Variants in SORCS1 observed in about 807,000 individuals in gnomAD.
SORCS1 encodes sortilin related VPS10 domain containing receptor 1.
SORCS1 carries 60 observed loss-of-function variants against 146.1 expected under a neutral mutation model. That is an observed-to-expected ratio of 0.41 (90% CI 0.33 to 0.51). SORCS1 has a LOEUF of 0.51. SORCS1 is among the 20% of genes least tolerant of loss of function. SORCS1 has a pLI of 0.21. For synonymous variants in SORCS1, 637 were observed against 584.0 expected, an observed-to-expected ratio of 1.09 and a Z score of -1.31; for missense variants, 1,352 against 1,487.6, an observed-to-expected ratio of 0.91 and a Z score of 1.50.
In SORCS1 at chr10:106,852,443, C is replaced by A. The variant is rs534285439; in HGVS notation, c.627-22770G>T. On this transcript the variant is annotated intron_variant, in intron 2 of 25. Coordinates refer to ENST00000263054, the MANE Select transcript of SORCS1 (RefSeq NM_052918.5). The stretch of plus-strand genomic sequence containing the variant: ...AAGAGATCAAGACCATCCTGGCCAA[C>A]ATGGTGAAACCCTGTCTCTACTAAA... Among the ~76,000 whole-genome samples, 14 of 152,032 alleles carry A rather than the reference C, an allele frequency of 9.2e-5. 2 individuals are homozygous for A. The highest frequency in any genetic ancestry group is 3.4e-4 in the African/African-American group (14 of 41,512).
chr10:107,173,168 T>C, the SORCS1 span, among the ~76,000 whole-genome samples: 1 of 152,208 alleles, frequency 6.6e-6, no homozygotes, highest in Admixed American at 6.5e-5. Context: ...TACATTAATT[T>C]TGCTGTTCTT....
At chr10:106,985,468 A>ATG (rs566589087) in intron 1 of SORCS1, among the ~76,000 whole-genome samples, 167 of 152,138 alleles carry the variant, frequency 1.1e-3, no homozygotes, top group African/African-American at 3.0e-3. Context: ...AAGGAAATGA[A>ATG]TGTCTACAGA....
At chr10:107,180,309 C>A in the SORCS1 span, among the ~76,000 whole-genome samples, 1 of 152,022 alleles carries the variant, frequency 6.6e-6, no homozygotes, top group Non-Finnish European at 1.5e-5. Context: ...TTCTCCTATT[C>A]TTTGAAAAAG....
chr10:106,673,129 G>C (rs1851733046), intron 14 of SORCS1, 144 bp from the exon 15 acceptor site: 1 of 585,340 alleles, frequency 1.7e-6, no homozygotes, highest in Non-Finnish European at 2.8e-6. Context: ...CATTCATGAA[G>C]AGGGTACTTT....
chr10:106,774,102 A>C lies in SORCS1; in HGVS notation c.885+2432T>G, dbSNP rs149838830. ...GATCCTTGGCCTCATACAGAAAAAC[A>C]ACAACAAATAAATGAAGACTGCTTC... On this transcript the variant is annotated intron_variant, in intron 4 of 25. Transcript: ENST00000263054. Among the ~76,000 whole-genome samples, 493 of 152,322 alleles carry C rather than the reference A, an allele frequency of 3.2e-3. 1 individual carries two copies. The highest frequency in any genetic ancestry group is 0.011 in the African/African-American group (465 of 41,582).
At chr10:107,108,003 G>C (rs562597267) in intron 1 of SORCS1, among the ~76,000 whole-genome samples, 1 of 152,146 alleles carries the variant, frequency 6.6e-6, no homozygotes, top group Non-Finnish European at 1.5e-5. Context: ...TCTCATCCAC[G>C]AACGCAGAGG....
intron 2 of SORCS1, among the ~76,000 whole-genome samples, chr10:106,873,639 C>A (rs17274625): frequency 1.2e-5 from 1 of 80,842 alleles, no homozygotes; most frequent in African/African-American, 2.9e-5. Flanking sequence ...TACGTTCCTG[C>A]TTTTTAGATG....
At chr10:106,792,228 C>G (rs1946351905) in intron 3 of SORCS1, among the ~76,000 whole-genome samples, 1 of 152,222 alleles carries the variant, frequency 6.6e-6, no homozygotes, top group South Asian at 2.1e-4. Context: ...AAACTCTAAA[C>G]TGCATATTTC....
intron 2 of SORCS1, among the ~76,000 whole-genome samples, chr10:106,904,842 A>G (rs1446907642): frequency 2.0e-5 from 3 of 152,254 alleles, no homozygotes; most frequent in Non-Finnish European, 4.4e-5. Flanking sequence ...ACTAACTTCA[A>G]GAAGTCAAAT....
At chr10:106,850,592 G>T (rs1309011453) in intron 2 of SORCS1, among the ~76,000 whole-genome samples, 1 of 152,082 alleles carries the variant, frequency 6.6e-6, no homozygotes, top group African/African-American at 2.4e-5. Context: ...GTTCCTATTC[G>T]GCCATCTTGG....
intron 4 of SORCS1, among the ~76,000 whole-genome samples, chr10:106,763,234 G>A (rs1194563043): frequency 6.6e-6 from 1 of 152,110 alleles, no homozygotes; most frequent in East Asian, 1.9e-4. Context: ...CTATACCAAA[G>A]GATTGCTATT....
intron 17 of SORCS1, among the ~76,000 whole-genome samples, chr10:106,659,259 A>T (rs550282687): frequency 6.6e-6 from 1 of 152,360 alleles, no homozygotes; most frequent in African/African-American, 2.4e-5. Flanking sequence ...AGGTAAAAAG[A>T]AGAAAGCTTC....
At chr10:106,872,527 T>C (rs2137591814) in intron 2 of SORCS1, among the ~76,000 whole-genome samples, 1 of 152,278 alleles carries the variant, frequency 6.6e-6, no homozygotes, top group East Asian at 1.9e-4. Context: ...AATAGAATAA[T>C]GGCTCTGGAG....
At chr10:106,963,743 T>G (rs192827122) in intron 1 of SORCS1, among the ~76,000 whole-genome samples, 1 of 152,282 alleles carries the variant, frequency 6.6e-6, no homozygotes, top group Non-Finnish European at 1.5e-5. Context: ...TTAGAAGAAC[T>G]TTCAGCTCCA....
At chr10:107,067,380 T>C (rs542815624) in intron 1 of SORCS1, among the ~76,000 whole-genome samples, 1 of 152,136 alleles carries the variant, frequency 6.6e-6, no homozygotes, top group Admixed American at 6.5e-5. Context: ...TGCGTGTATC[T>C]GGGAAAAGAT....
intron 4 of SORCS1, among the ~76,000 whole-genome samples, chr10:106,762,164 G>A (rs1253444969): frequency 3.3e-5 from 5 of 152,166 alleles, no homozygotes; most frequent in Non-Finnish European, 1.5e-5. Context: ...AGATGCTGTG[G>A]TGAAACAGCT....
At chr10:106,857,006 C>T (rs1250685804) in intron 2 of SORCS1, among the ~76,000 whole-genome samples, 1 of 152,232 alleles carries the variant, frequency 6.6e-6, no homozygotes, top group Non-Finnish European at 1.5e-5. Flanking sequence ...GAACTTCTTA[C>T]ATGCTGGACC....
chr10:106,972,477 A>G (rs190680177), intron 1 of SORCS1, among the ~76,000 whole-genome samples: 22 of 151,842 alleles, frequency 1.4e-4, no homozygotes, highest in Admixed American at 2.6e-4. Flanking sequence ...AGCATTCTGA[A>G]TAACATAATC....
At chr10:107,142,863 A>T (rs1967957027) in intron 1 of SORCS1, among the ~76,000 whole-genome samples, 1 of 152,224 alleles carries the variant, frequency 6.6e-6, no homozygotes, top group African/African-American at 2.4e-5. Context: ...CATTAAATAC[A>T]CAGGAAATTT....
Sources: gnomAD v4.1 joint callset for allele counts (sites outside exome capture counted in the v4.1 genomes callset) on GRCh38, gnomAD v4.1.1 for gene constraint, MANE v1.5 for transcripts, NCBI Gene and HGNC (gene_info 2026-07-23, HGNC 2026-07-21) for gene names.